The following PLA2G4A variants were observed in gnomAD, a reference collection of about 807,000 sequenced individuals.
PLA2G4A encodes the protein cytosolic phospholipase A2.
Under a neutral mutation model 81.9 loss-of-function variants are expected in PLA2G4A, and 40 were observed. The ratio of observed to expected loss-of-function variants is 0.49; its 90% CI spans 0.38 to 0.64. The LOEUF is 0.64. Ranked by LOEUF, PLA2G4A falls within the 30% of genes least tolerant of loss-of-function variation. The pLI is 0.00. For missense variants in PLA2G4A, 715 were observed against 905.1 expected (o/e 0.79, Z 2.69); for synonymous variants, 302 against 296.9 (o/e 1.02, Z -0.18).
At chr1:186,871,870 T>C (rs1029597929) in intron 3 of PLA2G4A, among the ~76,000 whole-genome samples, 15 of 152,132 alleles carry the variant, frequency 9.9e-5, no homozygotes, top group African/African-American at 3.6e-4. Context: ...TTTCTTTTTT[T>C]TCAAAGAACA....
chr1:186,870,155 AC>A (rs1653199878), intron 2 of PLA2G4A, among the ~76,000 whole-genome samples: 1 of 152,140 alleles, frequency 6.6e-6, no homozygotes, highest in African/African-American at 2.4e-5. Context: ...CTCCTAGAAT[AC>A]CTGCAGTCCT....
intron 3 of PLA2G4A, among the ~76,000 whole-genome samples, chr1:186,877,814 A>G (rs1653561701): frequency 6.7e-6 from 1 of 148,260 alleles, no homozygotes; most frequent in Non-Finnish European, 1.5e-5. Flanking sequence ...AAAGTGTGTG[A>G]TTATTACTTT....
chr1:186,920,366 C>G (rs1205173784), intron 7 of PLA2G4A, among the ~76,000 whole-genome samples: 1 of 152,178 alleles, frequency 6.6e-6, no homozygotes, highest in Non-Finnish European at 1.5e-5. Flanking sequence ...AGGCAGAAAG[C>G]CTGCTTAGTG....
chr1:186,879,838 T>G (rs907588695), intron 3 of PLA2G4A, among the ~76,000 whole-genome samples: 1 of 62,714 alleles, frequency 1.6e-5, no homozygotes, highest in Non-Finnish European at 4.8e-5. Context: ...TATTTATTTA[T>G]ATATATATTT....
chr1:186,832,835 G>T (rs1342921557), intron 1 of PLA2G4A, among the ~76,000 whole-genome samples: 1 of 152,104 alleles, frequency 6.6e-6, no homozygotes, highest in African/African-American at 2.4e-5. Flanking sequence ...CAATATAGAT[G>T]AAATTTTGAA....
At chr1:186,958,705 T>C (rs1024421383) in intron 14 of PLA2G4A, among the ~76,000 whole-genome samples, 4 of 152,204 alleles carry the variant, frequency 2.6e-5, no homozygotes, top group African/African-American at 9.6e-5. Flanking sequence ...GGAAGTTTTC[T>C]TTGTGTATAC....
intron 3 of PLA2G4A, among the ~76,000 whole-genome samples, chr1:186,872,821 T>C (rs1020511330): frequency 5.3e-5 from 8 of 152,238 alleles, no homozygotes; most frequent in Admixed American, 1.3e-4. Flanking sequence ...AGGGAACATT[T>C]AGGTTTTGGT....
chr1:186,882,262 T>A (rs887891755), intron 3 of PLA2G4A, among the ~76,000 whole-genome samples: 1 of 152,126 alleles, frequency 6.6e-6, no homozygotes, highest in African/African-American at 2.4e-5. Flanking sequence ...ACAAAACAAC[T>A]AGTTGACTAG....
rs1467411544 is a variant in PLA2G4A, at chr1:186,988,463, A to T, written c.2205A>T (p.Ala735=). 1 of 1,612,394 alleles carries T rather than the reference A, an allele frequency of 6.2e-7. No individual in the cohort carries two copies. Among genetic ancestry groups the T allele is most frequent in the Non-Finnish European group, 8.5e-7 (1 of 1,178,704 alleles). ...CTGTTTCCCTTAGTAATGTTGAGGC[A>T]AGAAGATTTTTCAACAAGGAGTTTC... The part of the protein sequence containing the change: ...RCSVSLSNVE[A]RRFFNKEFLS... The change falls in exon 18 of 18, where the codon GCA becomes GCT. Residue 735 remains alanine (A), a synonymous_variant. Transcript: ENST00000367466.
chr1:186,950,171 A>T (rs1656505691), intron 12 of PLA2G4A, among the ~76,000 whole-genome samples: 1 of 152,178 alleles, frequency 6.6e-6, no homozygotes, highest in African/African-American at 2.4e-5. Flanking sequence ...CAAAAGGTGA[A>T]TTTCAACTGA....
chr1:186,852,649 T>C (rs1159896443), intron 1 of PLA2G4A, among the ~76,000 whole-genome samples: 4 of 151,986 alleles, frequency 2.6e-5, no homozygotes, highest in Non-Finnish European at 4.4e-5. Context: ...GCCCATTCCA[T>C]GAGCCCCTTT....
At chr1:186,871,770 G>A (rs1653280993) in intron 3 of PLA2G4A, among the ~76,000 whole-genome samples, 1 of 152,118 alleles carries the variant, frequency 6.6e-6, no homozygotes, top group Non-Finnish European at 1.5e-5. Flanking sequence ...TGGCATTTAA[G>A]TAGTAAGTCA....
At chr1:186,955,566 G>T (rs534930504) in intron 13 of PLA2G4A, among the ~76,000 whole-genome samples, 102 of 152,108 alleles carry the variant, frequency 6.7e-4, no homozygotes, top group Middle Eastern at 3.4e-3. Context: ...AGATCAAGTG[G>T]CACTGTCGAG....
intron 3 of PLA2G4A, among the ~76,000 whole-genome samples, chr1:186,892,228 C>A (rs990920201): frequency 2.6e-5 from 4 of 151,954 alleles, no homozygotes; most frequent in African/African-American, 9.7e-5. Context: ...TATTTTCTCC[C>A]ATTCTGTGGG....
intron 3 of PLA2G4A, among the ~76,000 whole-genome samples, chr1:186,892,751 C>T (rs1294298310): frequency 6.6e-6 from 1 of 152,182 alleles, no homozygotes; most frequent in Non-Finnish European, 1.5e-5. Context: ...AACCTGTCCT[C>T]TCTAGATAGA....
intron 2 of PLA2G4A, among the ~76,000 whole-genome samples, chr1:186,861,685 C>T (rs1047769324): frequency 1.8e-4 from 28 of 151,988 alleles, no homozygotes; most frequent in African/African-American, 6.8e-4. Context: ...TAAAGTCATC[C>T]CCCAAACTTG....
At chr1:186,934,871 C>T (rs1655885291) in intron 8 of PLA2G4A, among the ~76,000 whole-genome samples, 1 of 151,908 alleles carries the variant, frequency 6.6e-6, no homozygotes, top group African/African-American at 2.4e-5. Context: ...CCTACCACTT[C>T]CACAATTTCT....
chr1:186,935,323 A>G (rs1033676032), intron 8 of PLA2G4A, among the ~76,000 whole-genome samples: 3 of 151,964 alleles, frequency 2.0e-5, no homozygotes, highest in South Asian at 2.1e-4. Context: ...AAAGCCATCT[A>G]TTATTTCAAG....
intron 2 of PLA2G4A, among the ~76,000 whole-genome samples, chr1:186,858,787 A>C (rs1322416177): frequency 6.6e-6 from 1 of 152,122 alleles, no homozygotes; most frequent in Non-Finnish European, 1.5e-5. Context: ...CTCCAACATC[A>C]GGCTTAGACA....
Sources: gnomAD v4.1 joint callset for allele counts (sites outside exome capture counted in the v4.1 genomes callset) on GRCh38, gnomAD v4.1.1 for gene constraint, MANE v1.5 for transcripts, NCBI Gene and HGNC (gene_info 2026-07-23, HGNC 2026-07-21) for gene names.